TSHR: variants seen among roughly 807,000 people sequenced by gnomAD.
The protein encoded by TSHR is thyrotropin receptor.
Under a neutral mutation model 64.1 loss-of-function variants are expected in TSHR, and 51 were observed. That is an observed-to-expected ratio of 0.80 (90% confidence interval 0.64 to 1.01). The LOEUF (loss-of-function observed/expected upper bound fraction) is 1.01, where lower values mean the gene tolerates loss of function less well. TSHR is among the 50% of genes least tolerant of loss of function. The pLI is 0.00. For synonymous variants in TSHR, 361 were observed against 361.9 expected, an observed-to-expected ratio of 1.00 and a Z score of 0.03; for missense variants, 877 against 942.8, an observed-to-expected ratio of 0.93 and a Z score of 0.91.
intron 8 of TSHR, among the ~76,000 whole-genome samples, chr14:81,109,987 C>T (rs554401257): frequency 4.6e-5 from 7 of 152,270 alleles, no homozygotes; most frequent in Admixed American, 3.9e-4. Flanking sequence ...GGTACTACTT[C>T]GCCAAGTAAT....
chr14:81,020,119 CTCTG>C (rs34009727), intron 1 of TSHR, among the ~76,000 whole-genome samples: 15,768 of 152,142 alleles, frequency 0.1, 2,662 homozygotes, highest in African/African-American at 0.36. Flanking sequence ...ACATATGTGT[CTCTG>C]TCTGTGTGTG....
At chr14:80,975,169 G>C (rs567699130) in intron 1 of TSHR, among the ~76,000 whole-genome samples, 2 of 152,212 alleles carry the variant, frequency 1.3e-5, no homozygotes, top group South Asian at 4.1e-4. Flanking sequence ...CCATTCAGCA[G>C]AGTAAGACTA....
intron 1 of TSHR, among the ~76,000 whole-genome samples, chr14:81,038,583 C>T (rs1175196671): frequency 6.6e-6 from 1 of 150,734 alleles, no homozygotes; most frequent in Non-Finnish European, 1.5e-5. Context: ...AATTGACAAA[C>T]CTTTCGCTAG....
chr14:80,971,145 C>T (rs555906824), intron 1 of TSHR, among the ~76,000 whole-genome samples: 2 of 152,204 alleles, frequency 1.3e-5, no homozygotes, highest in South Asian at 2.1e-4. Context: ...TTTAGAATGC[C>T]GCAGACTAAG....
At chr14:81,094,039 T>C (rs911373097) in intron 6 of TSHR, among the ~76,000 whole-genome samples, 2 of 152,090 alleles carry the variant, frequency 1.3e-5, no homozygotes, top group Non-Finnish European at 2.9e-5. Flanking sequence ...TCTAGAAACA[T>C]CTGAGTGAGG....
chr14:81,084,531 A>G (rs1324895855), intron 3 of TSHR, among the ~76,000 whole-genome samples: 1 of 152,230 alleles, frequency 6.6e-6, no homozygotes, highest in Non-Finnish European at 1.5e-5. Flanking sequence ...CAGACATGTA[A>G]CAGCCCTTAG....
chr14:81,029,987 G>A (rs1273526580), intron 1 of TSHR, among the ~76,000 whole-genome samples: 1 of 152,182 alleles, frequency 6.6e-6, no homozygotes, highest in Non-Finnish European at 1.5e-5. Context: ...GGTTCAGTGA[G>A]AGTTCTGCAC....
chr14:81,074,349 C>T (rs1438665930), intron 3 of TSHR, among the ~76,000 whole-genome samples: 2 of 152,080 alleles, frequency 1.3e-5, no homozygotes, highest in African/African-American at 4.8e-5. Flanking sequence ...ATGCATGCCA[C>T]CCAAATGTTT....
intron 8 of TSHR, 120 bp from the exon 9 acceptor site, chr14:81,139,559 T>A (rs1169386802): frequency 1.3e-5 from 13 of 1,013,298 alleles, no homozygotes; most frequent in East Asian, 2.5e-5. Flanking sequence ...ATGTACTCAG[T>A]AGAAGAAAGG....
intron 1 of TSHR, among the ~76,000 whole-genome samples, chr14:80,970,517 T>C (rs1013329061): frequency 6.6e-6 from 1 of 152,236 alleles, no homozygotes; most frequent in African/African-American, 2.4e-5. Context: ...GCCTGAGCTT[T>C]CATTCTCTTC....
In TSHR at chr14:80,981,690, A is replaced by G. The variant is rs1888180811; in HGVS notation, c.170+25840A>G. Among the ~76,000 whole-genome samples, 4 of 152,290 alleles carry G rather than the reference A, an allele frequency of 2.6e-5. No homozygotes were observed. The South Asian group carries it at 8.3e-4, about 32-fold the overall frequency. ...AACAAAAACTATTCATTTGGATCCA[A>G]GGTCCATCACCGCTGGTAGCTGTGG... On this transcript the variant is annotated intron_variant, in intron 1 of 9. Transcript: ENST00000298171.
At chr14:80,956,712 G>A (rs571161729) in intron 1 of TSHR, among the ~76,000 whole-genome samples, 1 of 152,146 alleles carries the variant, frequency 6.6e-6, no homozygotes, top group African/African-American at 2.4e-5. Flanking sequence ...TAAAGAAAAT[G>A]TTGATAGATG....
intron 1 of TSHR, among the ~76,000 whole-genome samples, chr14:81,002,171 A>T (rs1283174891): frequency 6.6e-6 from 1 of 152,160 alleles, no homozygotes; most frequent in Non-Finnish European, 1.5e-5. Flanking sequence ...ATAATCAAAC[A>T]TATGTATATT....
chr14:81,068,499 A>G, intron 3 of TSHR, 171 bp downstream of exon 3: 4 of 634,430 alleles, frequency 6.3e-6, no homozygotes, highest in Non-Finnish European at 1.1e-5. Flanking sequence ...ATTCATCTTC[A>G]TTACACCTCA....
At chr14:81,010,189 A>G (rs1486471064) in intron 1 of TSHR, among the ~76,000 whole-genome samples, 1 of 152,050 alleles carries the variant, frequency 6.6e-6, no homozygotes, top group Non-Finnish European at 1.5e-5. Context: ...TTATTGCTTC[A>G]TAAGAGTTCT....
At chr14:81,042,552 G>A (rs532026336) in intron 1 of TSHR, among the ~76,000 whole-genome samples, 9 of 152,232 alleles carry the variant, frequency 5.9e-5, no homozygotes, top group African/African-American at 1.9e-4. Flanking sequence ...AACAAATACT[G>A]TATGATCTTA....
chr14:81,007,084 G>A (rs995893014), intron 1 of TSHR, among the ~76,000 whole-genome samples: 8 of 152,042 alleles, frequency 5.3e-5, no homozygotes, highest in Admixed American at 1.3e-4. Context: ...AAATGTTTGC[G>A]TCCTCTCAAA....
intron 6 of TSHR, 33 bp downstream of exon 6, chr14:81,092,641 C>A (rs1254521077): frequency 1.3e-5 from 20 of 1,598,930 alleles, no homozygotes; most frequent in Non-Finnish European, 1.3e-5. Context: ...CCTCCATCAA[C>A]TAAATTCTAT....
intron 1 of TSHR, among the ~76,000 whole-genome samples, chr14:81,015,822 T>C (rs1890155059): frequency 6.6e-6 from 1 of 152,160 alleles, no homozygotes; most frequent in Non-Finnish European, 1.5e-5. Flanking sequence ...TTCTACTCTC[T>C]GCTTCTGTAG....
Sources: gnomAD v4.1 joint callset for allele counts (sites outside exome capture counted in the v4.1 genomes callset) on GRCh38, gnomAD v4.1.1 for gene constraint, MANE v1.5 for transcripts, NCBI Gene and HGNC (gene_info 2026-07-23, HGNC 2026-07-21) for gene names.